Variants in OPCML observed in about 807,000 individuals in gnomAD.
OPCML encodes opioid binding protein/cell adhesion molecule like, also known as opioid-binding protein/cell adhesion molecule.
A neutral mutation model predicts 37.8 loss-of-function variants in OPCML; 13 were observed. The ratio of observed to expected loss-of-function variants is 0.34; its 90% CI spans 0.22 to 0.55. The LOEUF is 0.55. Among genes scored for constraint, OPCML ranks in the 20% least tolerant of loss-of-function variants. The probability of loss-of-function intolerance (pLI) is 0.91; values close to 1 mark genes in which losing one functional copy is unlikely to be tolerated. For missense variants in OPCML, 341 were observed against 435.6 expected (o/e 0.78, Z 1.93); for synonymous variants, 176 against 168.8 (o/e 1.04, Z -0.33).
chr11:132,687,402 AT>A (rs1943208677), intron 2 of OPCML, among the ~76,000 whole-genome samples: 1 of 93,708 alleles, frequency 1.1e-5, no homozygotes, highest in Non-Finnish European at 1.9e-5. Context: ...ATATATATAT[AT>A]ATATATATAT....
At chr11:132,557,094 T>C (rs926362937) in intron 3 of OPCML, among the ~76,000 whole-genome samples, 6 of 152,228 alleles carry the variant, frequency 3.9e-5, no homozygotes, top group African/African-American at 1.2e-4. Flanking sequence ...GTTGACTGGG[T>C]ATCTATGAAA....
intron 1 of OPCML, among the ~76,000 whole-genome samples, chr11:133,090,006 C>T (rs550639689): frequency 6.6e-6 from 1 of 152,314 alleles, no homozygotes; most frequent in African/African-American, 2.4e-5. Flanking sequence ...AAAATGTACA[C>T]AGGTAAATTC....
chr11:132,480,041 G>A (rs939084099), intron 4 of OPCML, among the ~76,000 whole-genome samples: 1 of 152,242 alleles, frequency 6.6e-6, no homozygotes, highest in African/African-American at 2.4e-5. Context: ...CGAGCTGAGA[G>A]AAGAAGGCTT....
intron 1 of OPCML, among the ~76,000 whole-genome samples, chr11:133,215,045 C>G (rs934464253): frequency 1.3e-5 from 2 of 152,192 alleles, no homozygotes; most frequent in African/African-American, 4.8e-5. Flanking sequence ...TTAGAACTTG[C>G]CATAGTCACA....
At chr11:133,335,199 T>A (rs1015946895) in intron 1 of OPCML, among the ~76,000 whole-genome samples, 4 of 152,152 alleles carry the variant, frequency 2.6e-5, no homozygotes, top group African/African-American at 9.6e-5. Context: ...ACAACCATCT[T>A]TCATGATGGG....
intron 2 of OPCML, among the ~76,000 whole-genome samples, chr11:132,697,512 A>G (rs139646066): frequency 4.9e-4 from 75 of 152,290 alleles, no homozygotes; most frequent in African/African-American, 1.7e-3. Flanking sequence ...GATTCTACAT[A>G]TAAGTGAGAT....
intron 4 of OPCML, among the ~76,000 whole-genome samples, chr11:132,497,583 C>A (rs912632953): frequency 2.6e-5 from 4 of 151,970 alleles, no homozygotes; most frequent in African/African-American, 9.7e-5. Context: ...TTGGAGTGAT[C>A]CATGCATATT....
At chr11:132,721,484 G>A (rs953451226) in intron 2 of OPCML, among the ~76,000 whole-genome samples, 1 of 152,206 alleles carries the variant, frequency 6.6e-6, no homozygotes, top group Non-Finnish European at 1.5e-5. Flanking sequence ...AGCAAGGCGT[G>A]CTTTCGGGAA....
intron 2 of OPCML, among the ~76,000 whole-genome samples, chr11:132,743,590 C>T (rs1945509142): frequency 6.6e-6 from 1 of 152,168 alleles, no homozygotes. Context: ...TCTCCTTGAT[C>T]AGATTAGAAG....
At chr11:132,591,746 T>C (rs1279792455) in intron 3 of OPCML, among the ~76,000 whole-genome samples, 1 of 152,210 alleles carries the variant, frequency 6.6e-6, no homozygotes, top group Non-Finnish European at 1.5e-5. Flanking sequence ...GAGTACAGTA[T>C]TATTTTGTGG....
intron 1 of OPCML, among the ~76,000 whole-genome samples, chr11:132,961,062 T>C (rs1458578870): frequency 6.6e-6 from 1 of 152,198 alleles, no homozygotes; most frequent in Non-Finnish European, 1.5e-5. Flanking sequence ...GACTTTCTTC[T>C]TCAAGTAGCA....
At chr11:133,092,151 G>A (rs1026609085) in intron 1 of OPCML, among the ~76,000 whole-genome samples, 2 of 152,146 alleles carry the variant, frequency 1.3e-5, no homozygotes, top group Admixed American at 1.3e-4. Context: ...CATCCCTCTG[G>A]AGGAGGCAAC....
At chr11:132,773,211 T>C (rs919011521) in intron 2 of OPCML, 4 of 152,126 alleles carry the variant, frequency 2.6e-5, no homozygotes, top group Non-Finnish European at 5.9e-5. Context: ...AGTGCTGAGA[T>C]AGACCCGAAA....
chr11:132,576,218 A>T (rs1348948964), intron 3 of OPCML, among the ~76,000 whole-genome samples: 2 of 151,796 alleles, frequency 1.3e-5, no homozygotes, highest in South Asian at 4.1e-4. Context: ...GAAAGTTTTC[A>T]GTTATTATTT....
At chr11:133,140,896 G>GGAGA (rs1949788355) in intron 1 of OPCML, among the ~76,000 whole-genome samples, 1 of 24,806 alleles carries the variant, frequency 4.0e-5, no homozygotes, top group African/African-American at 7.2e-5. Context: ...CGACGACGAA[G>GGAGA]ACGACGACGA....
chr11:132,704,927 T>C (rs1943969395), intron 2 of OPCML, among the ~76,000 whole-genome samples: 1 of 152,106 alleles, frequency 6.6e-6, no homozygotes, highest in South Asian at 2.1e-4. Flanking sequence ...TCAGTGGAAG[T>C]TAATGTTTAA....
intron 1 of OPCML, among the ~76,000 whole-genome samples, chr11:133,477,345 T>C (rs1321472484): frequency 6.6e-6 from 1 of 152,172 alleles, no homozygotes; most frequent in Non-Finnish European, 1.5e-5. Context: ...TCACAAAGAA[T>C]AGATCTTTTC....
chr11:133,421,300 C>T, intron 1 of OPCML: 2 of 985,312 alleles, frequency 2.0e-6, no homozygotes, highest in Non-Finnish European at 2.4e-6. Context: ...AGAATGTGGT[C>T]AGCTGTGGGC....
At chr11:132,993,488 G>A (rs1946820407) in intron 1 of OPCML, among the ~76,000 whole-genome samples, 1 of 152,250 alleles carries the variant, frequency 6.6e-6, no homozygotes, top group Non-Finnish European at 1.5e-5. Context: ...GCTAACCACC[G>A]TTGAGATGCC....
Sources: gnomAD v4.1 joint callset for allele counts (sites outside exome capture counted in the v4.1 genomes callset) on GRCh38, gnomAD v4.1.1 for gene constraint, MANE v1.5 for transcripts, NCBI Gene and HGNC (gene_info 2026-07-23, HGNC 2026-07-21) for gene names.